Variants in RHOT1 observed in about 807,000 individuals in gnomAD.
The protein encoded by RHOT1 is ras homolog family member T1.
RHOT1 carries 27 observed loss-of-function variants against 95.3 expected under a neutral mutation model. The ratio of observed to expected loss-of-function variants is 0.28; its 90% CI spans 0.21 to 0.39. RHOT1 has a LOEUF of 0.39. Ranked by LOEUF, RHOT1 falls within the 10% of genes least tolerant of loss-of-function variation. The probability of loss-of-function intolerance (pLI) is 1.00; values close to 1 mark genes in which losing one functional copy is unlikely to be tolerated. For synonymous variants in RHOT1, 227 were observed against 263.5 expected, an observed-to-expected ratio of 0.86 and a Z score of 1.34; for missense variants, 578 against 786.7, an observed-to-expected ratio of 0.73 and a Z score of 3.17.
At chr17:32,199,203 C>G (rs548345254) in intron 12 of RHOT1, among the ~76,000 whole-genome samples, 172 bp downstream of exon 12, 1 of 152,234 alleles carries the variant, frequency 6.6e-6, no homozygotes, top group East Asian at 1.9e-4. Context: ...GTTGTTTTCT[C>G]AAGATGAAAA....
At chr17:32,145,916 TGAGGTGGGA>T (rs1188719614) in intron 1 of RHOT1, among the ~76,000 whole-genome samples, 1 of 152,110 alleles carries the variant, frequency 6.6e-6, no homozygotes, top group Non-Finnish European at 1.5e-5. Context: ...CTTGAGAGGC[TGAGGTGGGA>T]GAATCACCTG....
intron 1 of RHOT1, chr17:32,150,975 G>GCTGCTT: frequency 6.5e-7 from 1 of 1,542,914 alleles, no homozygotes; most frequent in East Asian, 2.2e-5. Context: ...TGCTGCTGCT[G>GCTGCTT]CTGCTGCTTC....
intron 9 of RHOT1, 91 bp from the exon 10 acceptor site, chr17:32,193,045 G>A (rs1005616682): frequency 2.7e-6 from 2 of 752,114 alleles, no homozygotes; most frequent in Non-Finnish European, 4.4e-6. Context: ...GCAATTCATG[G>A]ATTTAATATT....
chr17:32,173,960 C>T (rs370706707), intron 3 of RHOT1, 48 bp downstream of exon 3: 3 of 1,295,796 alleles, frequency 2.3e-6, no homozygotes, highest in Admixed American at 3.9e-5. Context: ...ATTTAATAGA[C>T]TTGAAAAAAG....
At chr17:32,177,630 C>T (rs1400033871) in intron 6 of RHOT1, among the ~76,000 whole-genome samples, 1 of 151,404 alleles carries the variant, frequency 6.6e-6, no homozygotes, top group East Asian at 2.0e-4. Context: ...TGGGAGGCGC[C>T]TGTAGTCCCA....
chr17:32,222,780 G>A (rs1271826410), intron 19 of RHOT1: 1 of 861,026 alleles, frequency 1.2e-6, no homozygotes, highest in African/African-American at 1.8e-5. Context: ...GGATAGCTGA[G>A]TGGGGTGCCA....
chr17:32,198,868 C>G (rs1009919612), intron 11 of RHOT1, 79 bp from the exon 12 acceptor site: 1 of 923,570 alleles, frequency 1.1e-6, no homozygotes, highest in Non-Finnish European at 1.7e-6. Context: ...TCACAAAAGA[C>G]TTGTTGCAAT....
At position 32,193,297 on chromosome 17, in the gene RHOT1, G is replaced by A. The variant is rs981463669; in HGVS notation, c.748+53G>A. 1.9e-5 allele frequency: 23 copies of A among 1,208,702 alleles called. No homozygotes were observed. In the Admixed American group the frequency reaches 2.3e-4, roughly 12 times the overall value. The allele number at this position is 1,208,702 out of a possible 1,614,324, so 74.9% of individuals were successfully genotyped here. A position where few individuals can be genotyped will look rare whatever the true frequency, so the allele number is the denominator to read the frequency against. ...TGAAACTTAATATTTTCAAAATTTG[G>A]CAGAAGGTGAAGGTCTTTATTGCAT... On this transcript the variant is annotated intron_variant, in intron 10 of 19. Coordinates refer to ENST00000545287, the MANE Select transcript of RHOT1 (RefSeq NM_001033566.3).
chr17:32,155,114 A>G (rs527465977), intron 1 of RHOT1, among the ~76,000 whole-genome samples: 1 of 152,226 alleles, frequency 6.6e-6, no homozygotes, highest in East Asian at 1.9e-4. Flanking sequence ...AAACAGAACT[A>G]TGGTAAGTCA....
At chr17:32,150,248 C>T (rs999874038) in intron 1 of RHOT1, among the ~76,000 whole-genome samples, 1 of 152,072 alleles carries the variant, frequency 6.6e-6, no homozygotes, top group Non-Finnish European at 1.5e-5. Context: ...TTTCACTGCT[C>T]TTCCAAAAGG....
At chr17:32,172,912 T>A (rs2034693412) in intron 2 of RHOT1, 1 of 152,260 alleles carries the variant, frequency 6.6e-6, no homozygotes, top group Non-Finnish European at 1.5e-5. Context: ...AAATGAATGT[T>A]GATAACCTGT....
intron 11 of RHOT1, among the ~76,000 whole-genome samples, chr17:32,197,571 G>A (rs1347829164): frequency 4.0e-5 from 6 of 151,726 alleles, no homozygotes; most frequent in Admixed American, 1.3e-4. Flanking sequence ...GACTACAGGC[G>A]TCCACCACCA....
At chr17:32,147,375 C>T (rs941338714) in intron 1 of RHOT1, among the ~76,000 whole-genome samples, 1 of 151,988 alleles carries the variant, frequency 6.6e-6, no homozygotes, top group African/African-American at 2.4e-5. Context: ...ATTGCTAATC[C>T]CAGCACTTGA....
At position 32,213,924 on chromosome 17, in the gene RHOT1, G is replaced by A. The variant is rs1025066447; in HGVS notation, c.1862+2686G>A. Among the ~76,000 whole-genome samples, 7 of 152,172 alleles carry A rather than the reference G, an allele frequency of 4.6e-5. No homozygotes were observed. The East Asian group carries it at 7.7e-4, about 17-fold the overall frequency. On this transcript the variant is annotated intron_variant, in intron 19 of 19. Coordinates refer to ENST00000545287, the MANE Select transcript of RHOT1 (RefSeq NM_001033566.3). The stretch of plus-strand genomic sequence containing the variant: ...ATGGCCCTCAAAGAGAAATCAGTAC[G>A]TTTCGGTCATATCTATTTATAAACT...
At chr17:32,151,640 T>C (rs2032308770) in intron 1 of RHOT1, 2 of 229,496 alleles carry the variant, frequency 8.7e-6, no homozygotes, top group Non-Finnish European at 8.8e-6. Context: ...TCCAGCACTT[T>C]GGGAGGCCGA....
chr17:32,215,818 T>C (rs2038437995), intron 19 of RHOT1, among the ~76,000 whole-genome samples: 1 of 152,234 alleles, frequency 6.6e-6, no homozygotes, highest in African/African-American at 2.4e-5. Flanking sequence ...CTATCTCACA[T>C]GTAATCTTTC....
At chr17:32,212,854 A>G (rs976351906) in intron 19 of RHOT1, among the ~76,000 whole-genome samples, 5 of 151,874 alleles carry the variant, frequency 3.3e-5, no homozygotes, top group Admixed American at 2.0e-4. Flanking sequence ...CATTTCTTTC[A>G]GCCTTTTCTT....
At chr17:32,171,464 G>C (rs1418243936) in intron 2 of RHOT1, among the ~76,000 whole-genome samples, 3 of 152,210 alleles carry the variant, frequency 2.0e-5, no homozygotes, top group African/African-American at 7.2e-5. Context: ...TAACCAGCCT[G>C]TGTCTAAGTT....
At position 32,176,020 on chromosome 17, in the gene RHOT1, G is replaced by A. The variant is rs1052022056; in HGVS notation, c.276+5G>A. On this transcript the variant is annotated splice_donor_5th_base_variant and intron_variant, in intron 5 of 19. Transcript: ENST00000545287. ...AACAAGCATTCTATTGATAAGGTAGGTGTGATCTTTTTTTCCCTATAGTTG... is the reference window on the plus strand; with the variant it reads ...AACAAGCATTCTATTGATAAGGTAGATGTGATCTTTTTTTCCCTATAGTTG... The A allele has an allele frequency of 1.2e-6, 2 of 1,605,622 alleles. No homozygotes were observed. Among genetic ancestry groups the A allele is most frequent in the Non-Finnish European group, 1.7e-6 (2 of 1,176,950 alleles).
Sources: allele counts gnomAD v4.1 joint callset (sites outside exome capture counted in the v4.1 genomes callset), GRCh38; gene constraint gnomAD v4.1.1; transcripts MANE v1.5; gene names NCBI Gene and HGNC (gene_info 2026-07-23, HGNC 2026-07-21).